The following PNPLA7 variants were observed in gnomAD, a reference collection of about 807,000 sequenced individuals.
PNPLA7 encodes patatin-like phospholipase domain-containing protein 7.
A neutral mutation model predicts 161.7 loss-of-function variants in PNPLA7; 153 were observed. The ratio of observed to expected loss-of-function variants is 0.95; its 90% CI spans 0.83 to 1.08. The LOEUF (loss-of-function observed/expected upper bound fraction) is 1.08. Ranked by LOEUF, PNPLA7 falls within the 50% of genes least tolerant of loss-of-function variation. The probability of loss-of-function intolerance (pLI) is 0.00; values close to 1 mark genes in which losing one functional copy is unlikely to be tolerated. For missense variants in PNPLA7, 1,739 were observed against 1,856.6 expected (o/e 0.94, Z 1.16); for synonymous variants, 809 against 782.1 (o/e 1.03, Z -0.57).
intron 8 of PNPLA7, among the ~76,000 whole-genome samples, chr9:137,535,481 G>A (rs561353112): frequency 2.0e-5 from 3 of 152,256 alleles, no homozygotes; most frequent in East Asian, 1.9e-4. Flanking sequence ...AGGGCCAGGC[G>A]CAGTGGCTCA....
At chr9:137,461,482 CAG>C in intron 33 of PNPLA7, 52 bp downstream of exon 33, 1 of 1,535,206 alleles carries the variant, frequency 6.5e-7, no homozygotes, top group Non-Finnish European at 8.9e-7. Flanking sequence ...AAGCCCAACA[CAG>C]CATCAGGAGG....
intron 25 of PNPLA7, among the ~76,000 whole-genome samples, chr9:137,473,034 G>A (rs1437563880): frequency 6.6e-6 from 1 of 152,204 alleles, no homozygotes; most frequent in Non-Finnish European, 1.5e-5. Context: ...GGAAGGTGAA[G>A]GAGGAGCAGA....
At chr9:137,545,510 G>T (rs532430183) in intron 4 of PNPLA7, among the ~76,000 whole-genome samples, 1 of 152,208 alleles carries the variant, frequency 6.6e-6, no homozygotes, top group Non-Finnish European at 1.5e-5. Flanking sequence ...TCTGGGGGCC[G>T]ACAGGGCCTT....
intron 14 of PNPLA7, among the ~76,000 whole-genome samples, chr9:137,502,212 G>A (rs1303533194): frequency 5.3e-5 from 8 of 152,118 alleles, no homozygotes; most frequent in Admixed American, 4.6e-4. Flanking sequence ...CAGTGGACCC[G>A]GAGCCTGTGG....
Position 137,467,258 on chromosome 9 carries a change from C to A in PNPLA7, c.3039+59G>T. The A allele has an allele frequency of 6.5e-7, 1 of 1,544,658 alleles. No homozygotes were observed. The highest frequency in any genetic ancestry group is 1.2e-5 in the South Asian group (1 of 82,894). ...CAGAGGCCAACGGCCCCAGCGTCCC[C>A]CAGCACCAGCAAGGACCTGGGGGCT... On this transcript the variant is annotated intron_variant, in intron 26 of 34. Coordinates refer to ENST00000406427, the MANE Select transcript of PNPLA7 (RefSeq NM_001098537.3). The surrounding 1 kb of genome is among the most constrained non-coding windows in gnomAD (Gnocchi z 5.1).
rs1302067722 is a variant in PNPLA7 at position 137,467,635 on chromosome 9, C to T, written c.2883-162G>A. ...TTTAAAACCCCTCTTTCCGGGCTCA[C>T]GCCTGTCATCTCAGCACTTTGGGAG... On this transcript the variant is annotated intron_variant, in intron 25 of 34. Coordinates refer to ENST00000406427, the MANE Select transcript of PNPLA7 (RefSeq NM_001098537.3). The surrounding 1 kb of genome is among the most constrained non-coding windows in gnomAD (Gnocchi z 5.1). 5.9e-5 allele frequency among the ~76,000 whole-genome samples: 9 copies of T among 152,238 alleles called. No individual in the cohort carries two copies. The East Asian group carries it at 1.3e-3, about 23-fold the overall frequency.
At chr9:137,496,829 C>A (rs1833086262) in intron 18 of PNPLA7, among the ~76,000 whole-genome samples, 1 of 152,222 alleles carries the variant, frequency 6.6e-6, no homozygotes, top group Admixed American at 6.5e-5. Flanking sequence ...TGCTGTGAGA[C>A]CCAGACCAGC....
chr9:137,521,115 C>T (rs1361826096), intron 10 of PNPLA7, among the ~76,000 whole-genome samples: 1 of 151,766 alleles, frequency 6.6e-6, no homozygotes, highest in East Asian at 1.9e-4. Context: ...CTTGACATGG[C>T]TGTAGGGACC....
chr9:137,546,123 C>T (rs540085604), intron 4 of PNPLA7, among the ~76,000 whole-genome samples: 3 of 152,168 alleles, frequency 2.0e-5, no homozygotes, highest in Non-Finnish European at 4.4e-5. Context: ...TTTTAGATAG[C>T]AGTAGTCAAT....
chr9:137,540,594 C>A lies in PNPLA7; in HGVS notation c.747+48G>T. On this transcript the variant is annotated intron_variant, in intron 8 of 34. Transcript: ENST00000406427. This position sits in a 1 kb window ranked among gnomAD's most constrained non-coding sequence, Gnocchi z 5.1. Reference sequence around the variant, plus strand: ...AGACAAGACAGAAAAACCAGGCCTCCGGGGCCAACCCAGGGGCGCCCGGAG... The same window carrying A: ...AGACAAGACAGAAAAACCAGGCCTCAGGGGCCAACCCAGGGGCGCCCGGAG... 6.5e-7 allele frequency: 1 copy of A among 1,534,012 alleles called. No individual in the cohort carries two copies. The highest frequency in any genetic ancestry group is 1.2e-5 in the South Asian group (1 of 86,142).
At chr9:137,503,417 GAAAGAAAGAAGGAGAAT>G (rs1833610561) in intron 14 of PNPLA7, among the ~76,000 whole-genome samples, 1 of 141,886 alleles carries the variant, frequency 7.0e-6, no homozygotes. Context: ...AGAAGGAGAA[GAAAGAAAGAAGGAGAAT>G]GAGGAGGGGG....
At chr9:137,470,475 C>T (rs1276138610) in intron 25 of PNPLA7, among the ~76,000 whole-genome samples, 1 of 152,102 alleles carries the variant, frequency 6.6e-6, no homozygotes, top group Non-Finnish European at 1.5e-5. Flanking sequence ...GTAATCCCAG[C>T]AGCGAGCTGT....
chr9:137,539,886 T>G (rs1320649081), intron 8 of PNPLA7, among the ~76,000 whole-genome samples: 1 of 152,068 alleles, frequency 6.6e-6, no homozygotes. Flanking sequence ...CCCGGGTTCA[T>G]GCGATTCTCC....
chr9:137,481,108 G>C, intron 21 of PNPLA7, 85 bp from the exon 22 acceptor site: 1 of 1,438,854 alleles, frequency 6.9e-7, no homozygotes, highest in Non-Finnish European at 9.6e-7. Context: ...GCAAGGTACC[G>C]ACGCCGAGCC....
rs370904269 is a variant in PNPLA7, at chr9:137,479,256, C to T, written c.2581-18G>A. On this transcript the variant is annotated intron_variant, in intron 23 of 34. Coordinates refer to ENST00000406427, the MANE Select transcript of PNPLA7 (RefSeq NM_001098537.3). ...CGCTCCAGCTGAAAGGCAGAGCCCA[C>T]GTGTCTGCCAGCCGGGTGAGCCTGG... The T allele has an allele frequency of 8.5e-5, 128 of 1,506,958 alleles. No individual in the cohort carries two copies. The highest frequency in any genetic ancestry group is 4.7e-4 in the African/African-American group (34 of 72,322). The allele number at this position is 1,506,958 out of a possible 1,614,324, so 93.3% of individuals were successfully genotyped here.
intron 12 of PNPLA7, among the ~76,000 whole-genome samples, chr9:137,507,807 T>C (rs1041610502): frequency 1.3e-5 from 2 of 152,134 alleles, no homozygotes; most frequent in African/African-American, 4.8e-5. Context: ...TGGTCCTTGC[T>C]GCTCAAGAGG....
At position 137,523,852 on chromosome 9, in the gene PNPLA7, G is replaced by C. The variant is rs945350755; in HGVS notation, c.748-995C>G. 6.6e-6 allele frequency among the ~76,000 whole-genome samples: 1 copy of C among 152,002 alleles called. No homozygotes were observed. The highest frequency in any genetic ancestry group is 1.9e-4 in the East Asian group (1 of 5,166). ...TCACTGTGTTAGCCAGGAGGGTCTCGATCTCCTGACCTCGTGATCCGCCCA... is the reference window on the plus strand; with the variant it reads ...TCACTGTGTTAGCCAGGAGGGTCTCCATCTCCTGACCTCGTGATCCGCCCA... On this transcript the variant is annotated intron_variant, in intron 8 of 34. Coordinates refer to ENST00000406427, the MANE Select transcript of PNPLA7 (RefSeq NM_001098537.3). The surrounding 1 kb of genome is among the most constrained non-coding windows in gnomAD (Gnocchi z 4.4).
chr9:137,505,737 T>G lies in PNPLA7; in HGVS notation c.1350A>C (p.Ala450=), dbSNP rs1361296843. 4.3e-6 allele frequency: 7 copies of G among 1,614,038 alleles called. No homozygotes were observed. In the South Asian group the frequency reaches 7.7e-5, roughly 18 times the overall value. Reference sequence around the variant, plus strand: ...GCTGGGAGACCGTGGAGGGTATCTCTGCAACCATCACGCTTTTCCTGGACT... The same window carrying G: ...GCTGGGAGACCGTGGAGGGTATCTCGGCAACCATCACGCTTTTCCTGGACT... ...ASKSRKSVMV[A]EIPSTVSQHS... The change falls in exon 14 of 35, where the codon GCA becomes GCC. Residue 450 remains alanine (A), a synonymous_variant. Transcript: ENST00000406427.
intron 12 of PNPLA7, among the ~76,000 whole-genome samples, chr9:137,514,476 C>T (rs1434587272): frequency 8.7e-6 from 1 of 114,926 alleles, no homozygotes; most frequent in African/African-American, 3.5e-5. Flanking sequence ...TTGAGATGCC[C>T]GGGCCCTGTG....
Sources: allele counts gnomAD v4.1 joint callset (sites outside exome capture counted in the v4.1 genomes callset), GRCh38; gene constraint gnomAD v4.1.1; non-coding constraint Gnocchi (gnomAD v3.1); transcripts MANE v1.5; gene names NCBI Gene and HGNC (gene_info 2026-07-23, HGNC 2026-07-21).